The following FAM181A variants were observed in gnomAD, a reference collection of about 807,000 sequenced individuals.
The protein encoded by FAM181A is family with sequence similarity 181 member A.
FAM181A carries 7 observed loss-of-function variants against 16.3 expected under a neutral mutation model. That is an observed-to-expected ratio of 0.43 (90% confidence interval 0.24 to 0.81). The LOEUF is 0.81. FAM181A is among the 30% of genes least tolerant of loss of function. The pLI is 0.24. For synonymous variants in FAM181A, 183 were observed against 164.9 expected, an observed-to-expected ratio of 1.11 and a Z score of -0.84; for missense variants, 349 against 377.5, an observed-to-expected ratio of 0.92 and a Z score of 0.63.
intron 1 of FAM181A, 29 bp downstream of exon 1, chr14:93,927,483 C>A: frequency 7.9e-7 from 1 of 1,260,270 alleles, no homozygotes; most frequent in Admixed American, 2.4e-5. Flanking sequence ...TGGCTCTGGC[C>A]CGACTGGGTG....
upstream of FAM181A, chr14:93,925,360 C>G (rs746086874): frequency 4.3e-6 from 7 of 1,612,438 alleles, no homozygotes; most frequent in Admixed American, 1.2e-4. Context: ...AGGGCGAGCA[C>G]AGCAAAGCAG....
At position 93,927,368 on chromosome 14, in the gene FAM181A, A is replaced by C. The variant is rs1205422037; in HGVS notation, c.-174A>C. 8.8e-7 allele frequency: 1 copy of C among 1,132,744 alleles called. No individual in the cohort carries two copies. The highest frequency in any genetic ancestry group is 1.7e-5 in the African/African-American group (1 of 59,376). 70.2% of individuals were successfully genotyped at this position (1,132,744 alleles called of 1,614,324 possible). A position where few individuals can be genotyped will look rare whatever the true frequency, so the allele number is the denominator to read the frequency against. On this transcript the variant is annotated 5_prime_UTR_variant, in exon 1 of 2. Transcript: ENST00000556222. ...TGCACAACTGCTTCCAGCCGGACGGAGCTCGGCCGGCTGCGCCGGGGCCTG... is the reference window on the plus strand; with the variant it reads ...TGCACAACTGCTTCCAGCCGGACGGCGCTCGGCCGGCTGCGCCGGGGCCTG...
chr14:93,925,907 C>T (rs1344537611), upstream of FAM181A, among the ~76,000 whole-genome samples: 2 of 151,984 alleles, frequency 1.3e-5, no homozygotes, highest in African/African-American at 4.8e-5. Flanking sequence ...CAGCAGCTGT[C>T]TATTGGCCAG....
At position 93,927,533 on chromosome 14, in the gene FAM181A, G is replaced by A. The variant is rs908839581; in HGVS notation, c.-88+79G>A. The A allele has an allele frequency of 2.0e-5, 26 of 1,283,618 alleles. No homozygotes were observed. In the Admixed American group the frequency reaches 5.1e-4, roughly 25 times the overall value. The allele number at this position is 1,283,618 out of a possible 1,614,324, so 79.5% of individuals were successfully genotyped here. ...AGGCTGGGGCCTGGGGGAGGGGCGAGGTGCCGTGGGTGGCGGCCGAGGAGG... is the reference window on the plus strand; with the variant it reads ...AGGCTGGGGCCTGGGGGAGGGGCGAAGTGCCGTGGGTGGCGGCCGAGGAGG... On this transcript the variant is annotated intron_variant, in intron 1 of 1. Coordinates refer to ENST00000556222, the MANE Select transcript of FAM181A (RefSeq NM_001207073.2).
intron 1 of FAM181A, among the ~76,000 whole-genome samples, chr14:93,920,532 T>A (rs1887686596): frequency 6.6e-6 from 1 of 152,198 alleles, no homozygotes. Flanking sequence ...GTAAATGTTA[T>A]GATGTTATAT....
rs1888068940 is a variant in FAM181A at position 93,929,420 on chromosome 14, T to C, written c.*256T>C. 2 of 455,546 alleles carry C rather than the reference T, an allele frequency of 4.4e-6. No individual in the cohort carries two copies. The highest frequency in any genetic ancestry group is 3.2e-5 in the East Asian group (1 of 31,706). 28.2% of individuals were successfully genotyped at this position (455,546 alleles called of 1,614,324 possible). A position where few individuals can be genotyped will look rare whatever the true frequency, so the allele number is the denominator to read the frequency against. On this transcript the variant is annotated 3_prime_UTR_variant, in exon 2 of 2. Coordinates refer to ENST00000556222, the MANE Select transcript of FAM181A (RefSeq NM_001207073.2). The stretch of plus-strand genomic sequence containing the variant: ...GCCCAGCAGCTTGTCCCGCTGTCCC[T>C]GTGCAGACCATAGGTACTGGGATGT...
chr14:93,928,095 A>G, intron 1 of FAM181A, 104 bp from the exon 2 acceptor site: 1 of 1,508,846 alleles, frequency 6.6e-7, no homozygotes, highest in Non-Finnish European at 8.9e-7. Flanking sequence ...TAGGGCTGAG[A>G]GGTGCTGGGG....
intron 1 of FAM181A, chr14:93,927,731 GGGCAGGAGTGGT>G: frequency 9.5e-7 from 1 of 1,056,018 alleles, no homozygotes; most frequent in Non-Finnish European, 1.2e-6. Flanking sequence ...CTCGTGCTGG[GGGCAGGAGTGGT>G]GGGAGGGGGA....
Position 93,928,780 on chromosome 14 carries a change from T to G in FAM181A, c.495T>G (p.Tyr165Ter). 1 of 1,613,896 alleles carries G rather than the reference T, an allele frequency of 6.2e-7. No homozygotes were observed. Among genetic ancestry groups the G allele is most frequent in the Non-Finnish European group, 8.5e-7 (1 of 1,179,886 alleles). ...TGGGCCCCAGGGAGGGACCTCCCTA[T>G]GAGGGTAAGAAAAATTGCAAGGGCT... The part of the protein sequence containing the change: ...GGLGPREGPP[Y>*]EGKKNCKGLE... Residue 165 changes from tyrosine to a stop codon, truncating the protein, a stop_gained, in exon 2 of 2, where the codon TAT becomes TAG. Coordinates refer to ENST00000556222, the MANE Select transcript of FAM181A (RefSeq NM_001207073.2). LOFTEE classifies it high-confidence loss of function.
chr14:93,921,800 C>T (rs76263849), intron 1 of FAM181A, among the ~76,000 whole-genome samples: 9,135 of 152,040 alleles, frequency 0.06, 650 homozygotes, highest in African/African-American at 0.18. Context: ...TCACAGTTGT[C>T]GGTGGGAGCA....
chr14:93,928,484 T>C lies in FAM181A; in HGVS notation c.199T>C (p.Tyr67His). The C allele has an allele frequency of 2.5e-6, 4 of 1,610,374 alleles. No homozygotes were observed. Among genetic ancestry groups the C allele is most frequent in the Non-Finnish European group, 3.4e-6 (4 of 1,177,308 alleles). The change falls in exon 2 of 2, where the codon TAC (tyrosine) becomes CAC (histidine). Residue 67 changes from tyrosine (Y) to histidine (H), a missense_variant. By Grantham distance (83) the Tyr-to-His change is moderately conservative (BLOSUM62 2). Coordinates refer to ENST00000556222, the MANE Select transcript of FAM181A (RefSeq NM_001207073.2). ...CCTTCCTGGCAGAGCTGCTGAGCCC[T>C]ACCTGAAAAGGGGGTCTGAGGACCG... ...RGLPGRAAEP[Y>H]LKRGSEDRPR... is the part of the protein sequence containing the mutation.
chr14:93,927,141 A>G, upstream of FAM181A: 1 of 369,372 alleles, frequency 2.7e-6, no homozygotes, highest in Non-Finnish European at 3.8e-6. Context: ...GCTGAAGGGT[A>G]GAAATTTACC....
chr14:93,928,437 A>G lies in FAM181A; in HGVS notation c.152A>G (p.Lys51Arg). 6.2e-7 allele frequency: 1 copy of G among 1,612,910 alleles called. No individual in the cohort carries two copies. The highest frequency in any genetic ancestry group is 8.5e-7 in the Non-Finnish European group (1 of 1,179,184). The change falls in exon 2 of 2, where the codon AAG (lysine) becomes AGG (arginine). Residue 51 changes from lysine to arginine, a missense_variant. By Grantham distance (26) the Lys-to-Arg change is conservative. Transcript: ENST00000556222. Reference protein sequence around the residue: ...LQKQLKRFSQKYSRLPRGLPG... With the variant: ...LQKQLKRFSQRYSRLPRGLPG... ...AAGCAGCTCAAGCGCTTCTCCCAGA[A>G]GTATTCCCGGCTCCCGCGGGGCCTT...
At chr14:93,926,517 G>A (rs1166264189), upstream of FAM181A, 4 of 152,224 alleles carry the variant, frequency 2.6e-5, no homozygotes, top group Non-Finnish European at 2.9e-5. The surrounding 1 kb of genome is among the most constrained non-coding windows in gnomAD (Gnocchi z 5.2). Flanking sequence ...ATGACGACTC[G>A]ATTTAAGTCC....
At chr14:93,921,326 G>C (rs1887715737) in intron 1 of FAM181A, among the ~76,000 whole-genome samples, 2 of 152,224 alleles carry the variant, frequency 1.3e-5, no homozygotes, top group Admixed American at 6.5e-5. Flanking sequence ...CACTGGAGGT[G>C]GACTGCAGCC....
chr14:93,928,123 G>T, intron 1 of FAM181A, 76 bp from the exon 2 acceptor site: 1 of 1,559,114 alleles, frequency 6.4e-7, no homozygotes. Context: ...ACTGTTTGTA[G>T]ACAGGTGCTG....
intron 1 of FAM181A, among the ~76,000 whole-genome samples, chr14:93,920,009 A>C (rs1887664690): frequency 6.6e-6 from 1 of 151,932 alleles, no homozygotes; most frequent in Non-Finnish European, 1.5e-5. Flanking sequence ...AAAAGAAATA[A>C]AAATAAAAAA....
Position 93,928,745 on chromosome 14 carries a change from G to T in FAM181A, c.460G>T (p.Glu154Ter). The change falls in exon 2 of 2, where the codon GAG becomes TAG. Residue 154 changes from glutamate (E) to a stop codon, truncating the protein, a stop_gained. Coordinates refer to ENST00000556222, the MANE Select transcript of FAM181A (RefSeq NM_001207073.2). LOFTEE classifies it high-confidence loss of function. ...RPTHSYHVGL[E>*]GGLGPREGPP... The stretch of plus-strand genomic sequence containing the variant: ...CACCCACAGCTACCATGTGGGGCTG[G>T]AGGGGGGACTGGGCCCCAGGGAGGG... 1 of 1,613,980 alleles carries T rather than the reference G, an allele frequency of 6.2e-7. No homozygotes were observed. Among genetic ancestry groups the T allele is most frequent in the South Asian group, 1.1e-5 (1 of 91,088 alleles).
chr14:93,920,141 T>C (rs941915106), intron 1 of FAM181A, among the ~76,000 whole-genome samples: 5 of 152,164 alleles, frequency 3.3e-5, no homozygotes, highest in Admixed American at 3.3e-4. Flanking sequence ...CAGTCAGGTG[T>C]GGTGGCTCAT....
Sources: allele counts gnomAD v4.1 joint callset (sites outside exome capture counted in the v4.1 genomes callset), GRCh38; gene constraint gnomAD v4.1.1; non-coding constraint Gnocchi (gnomAD v3.1); transcripts MANE v1.5; gene names NCBI Gene and HGNC (gene_info 2026-07-23, HGNC 2026-07-21).